The following KLLN variants were observed in gnomAD, a reference collection of about 807,000 sequenced individuals.
KLLN encodes killin.
For missense variants in KLLN, 340 were observed against 241.3 expected, an observed-to-expected ratio of 1.41 and a Z score of -2.71; for synonymous variants, 142 against 102.2, an observed-to-expected ratio of 1.39 and a Z score of -2.35.
At position 87,861,937 on chromosome 10, in the gene KLLN, G is replaced by C; in HGVS notation, c.*14C>G. On this transcript the variant is annotated 3_prime_UTR_variant, in exon 1 of 1. Coordinates refer to ENST00000445946, the MANE Select transcript of KLLN (RefSeq NM_001126049.2). ...AGAATAGGTCGATGTAGAGCAAGGA[G>C]TGAGTCTCAGGTCTCAGTCCTTTGG... 1 of 1,453,672 alleles carries C rather than the reference G, an allele frequency of 6.9e-7. No individual in the cohort carries two copies. The highest frequency in any genetic ancestry group is 9.1e-7 in the Non-Finnish European group (1 of 1,100,574). 90.0% of individuals were successfully genotyped at this position (1,453,672 alleles called of 1,614,324 possible).
Position 87,862,785 on chromosome 10 carries a change from G to A in KLLN, c.-298C>T. 1 of 470,852 alleles carries A rather than the reference G, an allele frequency of 2.1e-6. No individual in the cohort carries two copies. 29.2% of individuals were successfully genotyped at this position (470,852 alleles called of 1,614,324 possible). A position where few individuals can be genotyped will look rare whatever the true frequency, so the allele number is the denominator to read the frequency against. On this transcript the variant is annotated 5_prime_UTR_variant, in exon 1 of 1. Transcript: ENST00000445946. ...TAGGGCAAACGAGCCGAGTTACCGGGGAAGCGAGAGGTGGGGCGCTGCAAG... is the reference window on the plus strand; with the variant it reads ...TAGGGCAAACGAGCCGAGTTACCGGAGAAGCGAGAGGTGGGGCGCTGCAAG...
At position 87,862,753 on chromosome 10, in the gene KLLN, T is replaced by TA; in HGVS notation, c.-267_-266insT. 2 of 505,844 alleles carry TA rather than the reference T, an allele frequency of 4.0e-6. No individual in the cohort carries two copies. The allele number at this position is 505,844 out of a possible 1,614,324, so 31.3% of individuals were successfully genotyped here. ...GTTCAGCACGCTCGGCTGAGAGCTT[T>TA]CATTTTTAGGGCAAACGAGCCGAGT... On this transcript the variant is annotated 5_prime_UTR_variant, in exon 1 of 1. An upstream open reading frame in the 5' UTR loses its in-frame stop. Transcript: ENST00000445946.
In KLLN at chr10:87,862,257, T is replaced by C. The variant is rs1260224282; in HGVS notation, c.231A>G (p.Pro77=). 1.3e-6 allele frequency: 2 copies of C among 1,551,508 alleles called. No individual in the cohort carries two copies. Among genetic ancestry groups the C allele is most frequent in the Non-Finnish European group, 8.7e-7 (1 of 1,146,934 alleles). Residue 77 remains proline, a synonymous_variant, in exon 1 of 1, where the codon CCA becomes CCG. Transcript: ENST00000445946. ...TGCCTCCGGAGCTATCACTGGGGAG[T>C]GGGAATTTGGAAAGTTCCCCAACTA... is the stretch of plus-strand genomic sequence containing the variant. ...VSLVGELSKF[P]LPSDSSGGKS... is the part of the protein sequence containing the mutation.
chr10:87,860,035 G>GAAAAAAAAAA lies in KLLN; in HGVS notation c.*1906_*1915dup, dbSNP rs796254377. 2 of 106,786 alleles carry GAAAAAAAAAA rather than the reference G, an allele frequency of 1.9e-5. No individual in the cohort carries two copies. The highest frequency in any genetic ancestry group is 3.5e-5 in the African/African-American group (1 of 28,908). The allele number at this position is 106,786 out of a possible 1,614,324, so 6.6% of individuals were successfully genotyped here. A position where few individuals can be genotyped will look rare whatever the true frequency, so the allele number is the denominator to read the frequency against. On this transcript the variant is annotated 3_prime_UTR_variant, in exon 1 of 1. Transcript: ENST00000445946. ...CGTCTCAAAAAAAAAAAAAAAAAAA[G>GAAAAAAAAAA]AAAAAAAAAAAAAGAACTGAAGTGC...
Position 87,862,008 on chromosome 10 carries a change from T to C in KLLN, c.480A>G (p.Arg160=). 2 of 1,476,356 alleles carry C rather than the reference T, an allele frequency of 1.4e-6. No homozygotes were observed. Among genetic ancestry groups the C allele is most frequent in the South Asian group, 1.4e-5 (1 of 71,276 alleles). The allele number at this position is 1,476,356 out of a possible 1,614,324, so 91.5% of individuals were successfully genotyped here. ...LPPILTERGE[R]VPKLVPLLAC... ...CGAGGAGTGGCACCAGTTTGGGGACTCTCTCCCCGCGTTCTGTAAGAATCG... is the reference window on the plus strand; with the variant it reads ...CGAGGAGTGGCACCAGTTTGGGGACCCTCTCCCCGCGTTCTGTAAGAATCG... Residue 160 remains arginine, a synonymous_variant, in exon 1 of 1, where the codon AGA becomes AGG. Coordinates refer to ENST00000445946, the MANE Select transcript of KLLN (RefSeq NM_001126049.2).
At position 87,860,829 on chromosome 10, in the gene KLLN, G is replaced by C. The variant is rs183894316; in HGVS notation, c.*1122C>G. The C allele has an allele frequency of 5.0e-4, 76 of 152,224 alleles. No homozygotes were observed. Among genetic ancestry groups the C allele is most frequent in the African/African-American group, 1.8e-3 (73 of 41,532 alleles). 9.4% of individuals were successfully genotyped at this position (152,224 alleles called of 1,614,324 possible). A position where few individuals can be genotyped will look rare whatever the true frequency, so the allele number is the denominator to read the frequency against. On this transcript the variant is annotated 3_prime_UTR_variant, in exon 1 of 1. Transcript: ENST00000445946. Reference sequence around the variant, plus strand: ...CTGGTTTTTACCATGCAATCTAGTAGAACACCTAGACATCAGGAACTCCTT... The same window carrying C: ...CTGGTTTTTACCATGCAATCTAGTACAACACCTAGACATCAGGAACTCCTT...
the KLLN span, chr10:87,862,303 CG>C: frequency 1.3e-6 from 2 of 1,551,636 alleles, no homozygotes; most frequent in Non-Finnish European, 1.7e-6. Flanking sequence ...TGACCTCCTT[CG>C]GAAAGTAGTT....
rs587781501 is a variant in KLLN, at chr10:87,863,413, C to T, written c.-926G>A. 2.7e-6 allele frequency: 1 copy of T among 367,250 alleles called. No individual in the cohort carries two copies. Among genetic ancestry groups the T allele is most frequent in the Non-Finnish European group, 4.9e-6 (1 of 203,264 alleles). The allele number at this position is 367,250 out of a possible 1,614,324, so 22.7% of individuals were successfully genotyped here. A position where few individuals can be genotyped will look rare whatever the true frequency, so the allele number is the denominator to read the frequency against. ...ACCCAGAGCTACCGCTCTGCCCCCT[C>T]CTACCGCCCCCTGCCCTGCCCTGCC... On this transcript the variant is annotated 5_prime_UTR_variant, in exon 1 of 1. Coordinates refer to ENST00000445946, the MANE Select transcript of KLLN (RefSeq NM_001126049.2).
Position 87,862,562 on chromosome 10 carries a change from C to T in KLLN, c.-75G>A, listed in dbSNP as rs1041570482. 10 of 1,353,766 alleles carry T rather than the reference C, an allele frequency of 7.4e-6. No homozygotes were observed. In the Admixed American group the frequency reaches 1.8e-4, roughly 25 times the overall value. The allele number at this position is 1,353,766 out of a possible 1,614,324, so 83.9% of individuals were successfully genotyped here. A position where few individuals can be genotyped will look rare whatever the true frequency, so the allele number is the denominator to read the frequency against. ...TGAGAACCGAGCTTGACTCCGACGC[C>T]GCGAACCGACCTGGAGCCCGAGGGG... On this transcript the variant is annotated 5_prime_UTR_variant, in exon 1 of 1. Transcript: ENST00000445946.
In KLLN at chr10:87,862,563, G is replaced by A. The variant is rs1858296057; in HGVS notation, c.-76C>T. 6 of 1,349,900 alleles carry A rather than the reference G, an allele frequency of 4.4e-6. No individual in the cohort carries two copies. The East Asian group carries it at 1.3e-4, about 28-fold the overall frequency. The allele number at this position is 1,349,900 out of a possible 1,614,324, so 83.6% of individuals were successfully genotyped here. On this transcript the variant is annotated 5_prime_UTR_variant, in exon 1 of 1. Transcript: ENST00000445946. ...GAGAACCGAGCTTGACTCCGACGCC[G>A]CGAACCGACCTGGAGCCCGAGGGGA...
rs895318892 is a variant in KLLN, at chr10:87,860,160, G to A, written c.*1791C>T. On this transcript the variant is annotated 3_prime_UTR_variant, in exon 1 of 1. Coordinates refer to ENST00000445946, the MANE Select transcript of KLLN (RefSeq NM_001126049.2). ...TTGAAACTTTCTTTAGTTTAGATAG[G>A]GCCAGCCATTTGGGTAGAAAGGAAA... The A allele has an allele frequency of 6.6e-6, 1 of 151,904 alleles. No individual in the cohort carries two copies. Among genetic ancestry groups the A allele is most frequent in the African/African-American group, 2.4e-5 (1 of 41,338 alleles). 9.4% of individuals were successfully genotyped at this position (151,904 alleles called of 1,614,324 possible). A position where few individuals can be genotyped will look rare whatever the true frequency, so the allele number is the denominator to read the frequency against.
At position 87,861,808 on chromosome 10, in the gene KLLN, C is replaced by CTTAT; in HGVS notation, c.*142_*143insATAA. 1.4e-6 allele frequency: 1 copy of CTTAT among 716,226 alleles called. No homozygotes were observed. The highest frequency in any genetic ancestry group is 2.8e-5 in the South Asian group (1 of 35,952). The allele number at this position is 716,226 out of a possible 1,614,324, so 44.4% of individuals were successfully genotyped here. A position where few individuals can be genotyped will look rare whatever the true frequency, so the allele number is the denominator to read the frequency against. ...TCTGGGCTGCAGCAGGAGATACCCT[C>CTTAT]AAGCACAGAACCAAAAGGGTTCACC... On this transcript the variant is annotated 3_prime_UTR_variant, in exon 1 of 1. Transcript: ENST00000445946.
In KLLN at chr10:87,862,474, C is replaced by A; in HGVS notation, c.14G>T (p.Gly5Val). 3 of 1,548,456 alleles carry A rather than the reference C, an allele frequency of 1.9e-6. No individual in the cohort carries two copies. Among genetic ancestry groups the A allele is most frequent in the Non-Finnish European group, 2.6e-6 (3 of 1,144,834 alleles). MDRP[G>V]PGSARPGRTV... The stretch of plus-strand genomic sequence containing the variant: ...CCGGCCGGGGCGCGCGGAGCCTGGC[C>A]CCGGGCGATCCATCCTGCCGGGTTT... The change falls in exon 1 of 1, where the codon GGG (glycine) becomes GTG (valine). Residue 5 changes from glycine (G) to valine (V), a missense_variant. Transcript: ENST00000445946.
At position 87,863,224 on chromosome 10, in the gene KLLN, T is replaced by G; in HGVS notation, c.-737A>C. ...CCTACCCTGCCTCCGGCTGGGTTTCTGGGCAGAGGCCGAGGCTTAGCTCGT... is the reference window on the plus strand; with the variant it reads ...CCTACCCTGCCTCCGGCTGGGTTTCGGGGCAGAGGCCGAGGCTTAGCTCGT... On this transcript the variant is annotated 5_prime_UTR_variant, in exon 1 of 1. Coordinates refer to ENST00000445946, the MANE Select transcript of KLLN (RefSeq NM_001126049.2). 9.9e-6 allele frequency: 2 copies of G among 201,786 alleles called. No homozygotes were observed. Among genetic ancestry groups the G allele is most frequent in the Non-Finnish European group, 2.2e-5 (2 of 89,282 alleles). 12.5% of individuals were successfully genotyped at this position (201,786 alleles called of 1,614,324 possible).
rs1439549459 is a variant in KLLN, at chr10:87,860,218, G to C, written c.*1733C>G. 6.6e-6 allele frequency: 1 copy of C among 152,156 alleles called. No homozygotes were observed. The highest frequency in any genetic ancestry group is 2.4e-5 in the African/African-American group (1 of 41,432). 9.4% of individuals were successfully genotyped at this position (152,156 alleles called of 1,614,324 possible). ...CAAAAAATTGGAAAAGGATGCATCA[G>C]TATTTCTTTCAGAAACAACTTAACA... On this transcript the variant is annotated 3_prime_UTR_variant, in exon 1 of 1. Transcript: ENST00000445946.
Position 87,862,733 on chromosome 10 carries a change from G to A in KLLN, c.-246C>T. 1.8e-6 allele frequency: 1 copy of A among 550,090 alleles called. No individual in the cohort carries two copies. The highest frequency in any genetic ancestry group is 3.3e-6 in the Non-Finnish European group (1 of 299,322). 34.1% of individuals were successfully genotyped at this position (550,090 alleles called of 1,614,324 possible). ...TTCAACGGCTATGTGTTCACGTTCA[G>A]CACGCTCGGCTGAGAGCTTTCATTT... On this transcript the variant is annotated 5_prime_UTR_variant, in exon 1 of 1. Coordinates refer to ENST00000445946, the MANE Select transcript of KLLN (RefSeq NM_001126049.2).
Position 87,862,363 on chromosome 10 carries a change from T to C in KLLN, c.125A>G (p.Asp42Gly). ...LQPSEWAGRG[D>G]LGGFKRRWKD... ...CCACCTCCTTTTGAACCCTCCTAGG[T>C]CTCCTCGCCCCGCCCACTCGCTGGG... The change falls in exon 1 of 1, where the codon GAC becomes GGC. Residue 42 changes from aspartate to glycine, a missense_variant. Physicochemically the swap from Asp to Gly is moderately conservative, Grantham distance 94. Coordinates refer to ENST00000445946, the MANE Select transcript of KLLN (RefSeq NM_001126049.2). 2 of 1,551,528 alleles carry C rather than the reference T, an allele frequency of 1.3e-6. No homozygotes were observed. Among genetic ancestry groups the C allele is most frequent in the South Asian group, 2.4e-5 (2 of 84,056 alleles).
chr10:87,860,348 A>G lies in KLLN; in HGVS notation c.*1603T>C, dbSNP rs997974056. ...AACATTGATGATCCTTTCATTCACC[A>G]CTAGAGAGAAGTAGAGGGACCTGAT... On this transcript the variant is annotated 3_prime_UTR_variant, in exon 1 of 1. Transcript: ENST00000445946. The G allele has an allele frequency of 1.3e-5, 2 of 152,188 alleles. No homozygotes were observed. Among genetic ancestry groups the G allele is most frequent in the Non-Finnish European group, 2.9e-5 (2 of 68,028 alleles). 9.4% of individuals were successfully genotyped at this position (152,188 alleles called of 1,614,324 possible). A position where few individuals can be genotyped will look rare whatever the true frequency, so the allele number is the denominator to read the frequency against.
Position 87,862,532 on chromosome 10 carries a change from GTC to G in KLLN, c.-47_-46del, listed in dbSNP as rs1858294604. 3.3e-6 allele frequency: 5 copies of G among 1,493,334 alleles called. No homozygotes were observed. The highest frequency in any genetic ancestry group is 2.5e-5 in the East Asian group (1 of 40,352). The allele number at this position is 1,493,334 out of a possible 1,614,324, so 92.5% of individuals were successfully genotyped here. A position where few individuals can be genotyped will look rare whatever the true frequency, so the allele number is the denominator to read the frequency against. ...GGCCAAGGGGGGGCGGGGCTAGGTG[GTC>G]TCTGAGAACCGAGCTTGACTCCGAC... On this transcript the variant is annotated 5_prime_UTR_variant, in exon 1 of 1. Coordinates refer to ENST00000445946, the MANE Select transcript of KLLN (RefSeq NM_001126049.2).
Sources: allele counts gnomAD v4.1 joint callset, GRCh38; gene constraint gnomAD v4.1.1; transcripts MANE v1.5; gene names NCBI Gene and HGNC (gene_info 2026-07-23, HGNC 2026-07-21).